GABPA: variants seen among roughly 807,000 people sequenced by gnomAD.
GABPA encodes the protein GA-binding protein alpha chain.
A neutral mutation model predicts 59.4 loss-of-function variants in GABPA; 4 were observed. The observed-to-expected ratio is 0.07, with a 90% confidence interval of 0.03 to 0.15. The LOEUF (loss-of-function observed/expected upper bound fraction) is 0.15. Among genes scored for constraint, GABPA ranks in the 10% least tolerant of loss-of-function variants. GABPA has a pLI of 1.00. For missense variants in GABPA, 251 were observed against 543.8 expected (o/e 0.46, Z 5.36); for synonymous variants, 164 against 183.1 (o/e 0.90, Z 0.84).
At position 25,771,180 on chromosome 21, in the gene GABPA, C is replaced by T. The variant is rs1360100460; in HGVS notation, c.*1948C>T. The T allele has an allele frequency of 6.6e-6, 1 of 151,834 alleles. No individual in the cohort carries two copies. The highest frequency in any genetic ancestry group is 1.5e-5 in the Non-Finnish European group (1 of 67,850). 9.4% of individuals were successfully genotyped at this position (151,834 alleles called of 1,614,324 possible). A position where few individuals can be genotyped will look rare whatever the true frequency, so the allele number is the denominator to read the frequency against. On this transcript the variant is annotated 3_prime_UTR_variant, in exon 10 of 10. Transcript: ENST00000400075. ...ATCATCAAGAGCTTAAGAATCTTGG[C>T]TTTCATATTTAAAATGCTTTTGGGG...
chr21:25,735,315 C>T lies in GABPA; in HGVS notation c.-290C>T, dbSNP rs2034999308. On this transcript the variant is annotated 5_prime_UTR_variant, in exon 1 of 10. Coordinates refer to ENST00000400075, the MANE Select transcript of GABPA (RefSeq NM_002040.4). ...ATTGGGGCGTTGTGCTTCCTTGTAC[C>T]TCGTGAGCCTCCGTTGCCTTGGGCG... 7.0e-6 allele frequency: 2 copies of T among 285,426 alleles called. No individual in the cohort carries two copies. The highest frequency in any genetic ancestry group is 6.7e-6 in the Non-Finnish European group (1 of 148,974). 17.7% of individuals were successfully genotyped at this position (285,426 alleles called of 1,614,324 possible). A position where few individuals can be genotyped will look rare whatever the true frequency, so the allele number is the denominator to read the frequency against.
intron 1 of GABPA, among the ~76,000 whole-genome samples, chr21:25,738,469 G>A (rs1297477676): frequency 6.6e-6 from 1 of 151,992 alleles, no homozygotes; most frequent in Non-Finnish European, 1.5e-5. Context: ...CCATTCTGTA[G>A]CCTGTCTGTT....
At chr21:25,748,907 T>C in intron 3 of GABPA, 129 bp from the exon 4 acceptor site, 1 of 656,554 alleles carries the variant, frequency 1.5e-6, no homozygotes, top group Non-Finnish European at 2.7e-6. Flanking sequence ...AATAATGTGT[T>C]CTTATAATTT....
intron 4 of GABPA, among the ~76,000 whole-genome samples, chr21:25,750,511 A>G (rs898384963): frequency 1.3e-5 from 2 of 152,240 alleles, no homozygotes; most frequent in African/African-American, 4.8e-5. Flanking sequence ...CATCCAGTCA[A>G]CCTTATTCAT....
At chr21:25,745,849 A>G (rs531217723) in intron 3 of GABPA, among the ~76,000 whole-genome samples, 1 of 152,338 alleles carries the variant, frequency 6.6e-6, no homozygotes, top group South Asian at 2.1e-4. Context: ...TGGTAGTAGT[A>G]TAATATGTTA....
intron 6 of GABPA, among the ~76,000 whole-genome samples, chr21:25,759,926 GTC>G (rs2146089399): frequency 6.6e-6 from 1 of 152,292 alleles, no homozygotes; most frequent in South Asian, 2.1e-4. Flanking sequence ...TGTTGTGGCT[GTC>G]TCTTTCTGGT....
chr21:25,763,070 C>A, intron 7 of GABPA: 1 of 395,224 alleles, frequency 2.5e-6, no homozygotes, highest in Non-Finnish European at 4.9e-6. Context: ...GCTAGAAGTA[C>A]AGTCTAGAAG....
intron 1 of GABPA, among the ~76,000 whole-genome samples, chr21:25,738,674 C>T (rs899301363): frequency 5.3e-5 from 8 of 152,102 alleles, no homozygotes; most frequent in African/African-American, 1.9e-4. Context: ...TGAAATAGTT[C>T]TTATTCATTT....
intron 2 of GABPA, among the ~76,000 whole-genome samples, chr21:25,742,975 T>G (rs2035263125): frequency 1.3e-5 from 2 of 152,084 alleles, no homozygotes; most frequent in Admixed American, 1.3e-4. Flanking sequence ...GCTCATTGTT[T>G]CTCAGAGAAA....
At chr21:25,762,213 C>A in intron 6 of GABPA, 99 bp from the exon 7 acceptor site, 1 of 624,500 alleles carries the variant, frequency 1.6e-6, no homozygotes, top group East Asian at 2.8e-5. Flanking sequence ...TTGTGGAGTT[C>A]TTTTTAAAAG....
In GABPA at chr21:25,769,351, T is replaced by C. The variant is rs1601162010; in HGVS notation, c.*119T>C. 1 of 589,280 alleles carries C rather than the reference T, an allele frequency of 1.7e-6. No individual in the cohort carries two copies. Among genetic ancestry groups the C allele is most frequent in the Non-Finnish European group, 3.1e-6 (1 of 325,572 alleles). 36.5% of individuals were successfully genotyped at this position (589,280 alleles called of 1,614,324 possible). A position where few individuals can be genotyped will look rare whatever the true frequency, so the allele number is the denominator to read the frequency against. ...TTTCTAGGCTGTACAGTCTGATGCA[T>C]GATTTTTTTATAAATATTTCATACT... On this transcript the variant is annotated 3_prime_UTR_variant, in exon 10 of 10. Coordinates refer to ENST00000400075, the MANE Select transcript of GABPA (RefSeq NM_002040.4).
intron 6 of GABPA, among the ~76,000 whole-genome samples, chr21:25,758,516 C>T (rs1242441076): frequency 6.6e-6 from 1 of 152,192 alleles, no homozygotes; most frequent in Non-Finnish European, 1.5e-5. Context: ...GTTCTTAAAT[C>T]AGATGCTGTG....
chr21:25,763,506 A>G (rs2035814615), intron 7 of GABPA, among the ~76,000 whole-genome samples: 1 of 152,096 alleles, frequency 6.6e-6, no homozygotes, highest in African/African-American at 2.4e-5. Context: ...CCTCTCTCCT[A>G]CCAGAGAACT....
chr21:25,760,864 C>CT (rs67754726), intron 6 of GABPA, among the ~76,000 whole-genome samples: 12,259 of 147,782 alleles, frequency 0.083, 566 homozygotes, highest in Middle Eastern at 0.16. Context: ...CTTTCAAAAA[C>CT]TTTTTTTTTT....
rs2035836434 is a variant in GABPA, at chr21:25,764,234, T to C, written c.827T>C (p.Val276Ala). The C allele has an allele frequency of 2.5e-6, 4 of 1,607,962 alleles. No individual in the cohort carries two copies. Among genetic ancestry groups the C allele is most frequent in the Non-Finnish European group, 2.5e-6 (3 of 1,177,862 alleles). The part of the protein sequence containing the change: ...DQPVQIIPAS[V>A]QSATPTTIKV... ...GCTGTGCAAATTATTCCAGCATCAG[T>C]GCAATCTGCTACACCTACTACCATT... The change falls in exon 8 of 10, where the codon GTG becomes GCG. Residue 276 changes from valine (V) to alanine (A), a missense_variant. This residue lies in a region of GABPA where 207 missense variants were observed against 366.7 expected (regional missense o/e 0.56). Coordinates refer to ENST00000400075, the MANE Select transcript of GABPA (RefSeq NM_002040.4).
intron 1 of GABPA, among the ~76,000 whole-genome samples, chr21:25,738,312 T>C (rs2035133202): frequency 6.6e-6 from 1 of 152,212 alleles, no homozygotes; most frequent in African/African-American, 2.4e-5. Flanking sequence ...GGGCATTTCT[T>C]TGTATCCTGA....
Position 25,763,198 on chromosome 21 carries a change from T to C in GABPA, c.802+833T>C, listed in dbSNP as rs1458951952. ...TTTGGGTACCACCACAGTTGCTGTC[T>C]CTTAAACATCTTTCATTAAAACATT... On this transcript the variant is annotated intron_variant, in intron 7 of 9. Transcript: ENST00000400075. The C allele has an allele frequency of 5.8e-6, 3 of 515,884 alleles. No individual in the cohort carries two copies. The East Asian group carries it at 1.5e-4, about 26-fold the overall frequency. 32.0% of individuals were successfully genotyped at this position (515,884 alleles called of 1,614,324 possible). A position where few individuals can be genotyped will look rare whatever the true frequency, so the allele number is the denominator to read the frequency against.
chr21:25,751,534 A>G (rs1030511880), intron 4 of GABPA, among the ~76,000 whole-genome samples: 25 of 151,910 alleles, frequency 1.6e-4, no homozygotes, highest in Middle Eastern at 7.1e-3. Flanking sequence ...TAACACATCT[A>G]CTTTGTCCTT....
At position 25,769,526 on chromosome 21, in the gene GABPA, C is replaced by T; in HGVS notation, c.*294C>T. ...TAAACTGGTCAGTATTAATGTGTAG[C>T]CCTACCAAAAATAGCCAGTAGTATC... On this transcript the variant is annotated 3_prime_UTR_variant, in exon 10 of 10. Transcript: ENST00000400075. 4.4e-6 allele frequency: 1 copy of T among 228,892 alleles called. No individual in the cohort carries two copies. The highest frequency in any genetic ancestry group is 1.1e-4 in the South Asian group (1 of 8,736). The allele number at this position is 228,892 out of a possible 1,614,324, so 14.2% of individuals were successfully genotyped here. A position where few individuals can be genotyped will look rare whatever the true frequency, so the allele number is the denominator to read the frequency against.
Sources: allele counts gnomAD v4.1 joint callset (sites outside exome capture counted in the v4.1 genomes callset), GRCh38; gene constraint gnomAD v4.1.1; regional missense constraint gnomAD v4.1.1; transcripts MANE v1.5; gene names NCBI Gene and HGNC (gene_info 2026-07-23, HGNC 2026-07-21).